Variants in LUZP2 observed in about 807,000 individuals in gnomAD.
LUZP2 encodes leucine zipper protein 2.
A neutral mutation model predicts 51.6 loss-of-function variants in LUZP2; 52 were observed. The ratio of observed to expected loss-of-function variants is 1.01; its 90% CI spans 0.81 to 1.27. The LOEUF is 1.27. LUZP2 is among the 50% of genes most tolerant of loss of function. LUZP2 has a pLI of 0.00. For missense variants in LUZP2, 436 were observed against 395.4 expected (o/e 1.10, Z -0.87); for synonymous variants, 154 against 137.3 (o/e 1.12, Z -0.85).
At chr11:24,626,619 A>G (rs1050630968) in intron 1 of LUZP2, among the ~76,000 whole-genome samples, 1 of 152,292 alleles carries the variant, frequency 6.6e-6, no homozygotes, top group East Asian at 1.9e-4. Context: ...GACATAGCCA[A>G]TTTGATAATC....
At chr11:24,663,272 G>C (rs1687749764) in intron 1 of LUZP2, among the ~76,000 whole-genome samples, 1 of 152,054 alleles carries the variant, frequency 6.6e-6, no homozygotes, top group African/African-American at 2.4e-5. Flanking sequence ...GTGCTCATGA[G>C]ATCTGATGGT....
intron 4 of LUZP2, among the ~76,000 whole-genome samples, chr11:24,743,205 T>C (rs1859249877): frequency 6.6e-6 from 1 of 152,018 alleles, no homozygotes. Context: ...TTTAGAATTG[T>C]TTTTTTCTAA....
At position 24,997,026 on chromosome 11, in the gene LUZP2, C is replaced by T. The variant is rs565770247; in HGVS notation, c.765+13733C>T. 1.2e-3 allele frequency among the ~76,000 whole-genome samples: 178 copies of T among 149,776 alleles called. 1 individual carries two copies. The highest frequency in any genetic ancestry group is 4.2e-3 in the African/African-American group (169 of 40,466). On this transcript the variant is annotated intron_variant, in intron 9 of 11. Transcript: ENST00000336930. ...CTTAATCCAGTCTATCATTGTTGGA[C>T]ATTTGGGTTGGTTCCAAGTCTTTGC...
intron 7 of LUZP2, among the ~76,000 whole-genome samples, chr11:24,958,978 G>A (rs1590774578): frequency 6.6e-6 from 1 of 152,262 alleles, no homozygotes; most frequent in East Asian, 1.9e-4. Flanking sequence ...CATATGGCTA[G>A]CCAGTTTTCC....
At chr11:25,067,991 A>ATC (rs1859045518) in intron 10 of LUZP2, among the ~76,000 whole-genome samples, 1 of 152,128 alleles carries the variant, frequency 6.6e-6, no homozygotes, top group African/African-American at 2.4e-5. Context: ...AGCCATAAAA[A>ATC]AGGATGAGTT....
chr11:24,739,182 C>A (rs1000287135), intron 4 of LUZP2, among the ~76,000 whole-genome samples: 8 of 151,916 alleles, frequency 5.3e-5, no homozygotes, highest in Admixed American at 1.3e-4. Flanking sequence ...GGGTAAGAGG[C>A]TTTGTTGTGG....
chr11:25,034,325 C>T (rs1047281462), intron 9 of LUZP2, among the ~76,000 whole-genome samples: 35 of 151,952 alleles, frequency 2.3e-4, no homozygotes, highest in Admixed American at 2.6e-4. Flanking sequence ...GGATATTAGG[C>T]CTTTGTTAGA....
At chr11:24,984,335 A>G (rs949630171) in intron 9 of LUZP2, among the ~76,000 whole-genome samples, 1 of 151,232 alleles carries the variant, frequency 6.6e-6, no homozygotes, top group East Asian at 1.9e-4. Context: ...GAGAGTCATA[A>G]ATAATAGAAT....
Position 24,707,771 on chromosome 11 carries a change from G to A in LUZP2, c.63-21398G>A, listed in dbSNP as rs58991832. Among the ~76,000 whole-genome samples the A allele has an allele frequency of 4.1e-3, 618 of 152,142 alleles. 6 individuals carry two copies. Among genetic ancestry groups the A allele is most frequent in the African/African-American group, 0.013 (528 of 41,506 alleles). On this transcript the variant is annotated intron_variant, in intron 1 of 11. Transcript: ENST00000336930. ...TAAGGGTTGTTATATATAAAGTTTC[G>A]GTACCGCAAAAGAAATAGCACTCGA...
chr11:24,908,713 A>T (rs1853535264), intron 6 of LUZP2, among the ~76,000 whole-genome samples: 1 of 151,820 alleles, frequency 6.6e-6, no homozygotes, highest in South Asian at 2.1e-4. Context: ...ATCTTTCCTG[A>T]AATCCTCAGA....
At chr11:24,774,447 A>C (rs1848853374) in intron 5 of LUZP2, among the ~76,000 whole-genome samples, 1 of 135,798 alleles carries the variant, frequency 7.4e-6, no homozygotes, top group Admixed American at 7.8e-5. Context: ...ATATATATAT[A>C]AAGAATATAT....
intron 7 of LUZP2, among the ~76,000 whole-genome samples, chr11:24,961,200 G>C (rs1366174075): frequency 1.3e-5 from 2 of 152,096 alleles, no homozygotes; most frequent in Non-Finnish European, 1.5e-5. Flanking sequence ...GTGTGGTGTG[G>C]TGCTGAAAAA....
chr11:24,571,853 G>T (rs1314485940), intron 1 of LUZP2, among the ~76,000 whole-genome samples: 1 of 151,956 alleles, frequency 6.6e-6, no homozygotes, highest in Non-Finnish European at 1.5e-5. Context: ...GGAAATTATA[G>T]CTTGTGATTA....
chr11:25,066,492 T>TA (rs1477607081), intron 10 of LUZP2, among the ~76,000 whole-genome samples: 2 of 151,952 alleles, frequency 1.3e-5, no homozygotes, highest in African/African-American at 4.8e-5. Context: ...GAAGAATAAG[T>TA]AAAAACCTGT....
intron 9 of LUZP2, among the ~76,000 whole-genome samples, chr11:25,035,657 A>T (rs1857833570): frequency 6.6e-6 from 1 of 152,114 alleles, no homozygotes; most frequent in South Asian, 2.1e-4. Flanking sequence ...AACTATCAAC[A>T]TCTAAGGACA....
At chr11:24,899,876 A>G (rs529546328) in intron 5 of LUZP2, among the ~76,000 whole-genome samples, 1 of 152,310 alleles carries the variant, frequency 6.6e-6, no homozygotes. Context: ...TTTCAAGCTA[A>G]TAGATAGAAC....
chr11:25,019,069 T>C (rs1295500290), intron 9 of LUZP2, among the ~76,000 whole-genome samples: 1 of 152,206 alleles, frequency 6.6e-6, no homozygotes, highest in African/African-American at 2.4e-5. Context: ...TTTGTTGCAC[T>C]CAATGAACTA....
chr11:25,022,307 C>T (rs1333218702), intron 9 of LUZP2, among the ~76,000 whole-genome samples: 1 of 151,946 alleles, frequency 6.6e-6, no homozygotes, highest in Non-Finnish European at 1.5e-5. Flanking sequence ...CTGGGTATTC[C>T]ATGAACACAT....
chr11:24,671,398 C>A (rs1856398151), intron 1 of LUZP2, among the ~76,000 whole-genome samples: 1 of 151,836 alleles, frequency 6.6e-6, no homozygotes, highest in Admixed American at 6.6e-5. Context: ...AAATTTTGTT[C>A]TTCTAAGTAA....
Sources: gnomAD v4.1 joint callset for allele counts (sites outside exome capture counted in the v4.1 genomes callset) on GRCh38, gnomAD v4.1.1 for gene constraint, MANE v1.5 for transcripts, NCBI Gene and HGNC (gene_info 2026-07-23, HGNC 2026-07-21) for gene names.